ADAM28: variants seen among roughly 807,000 people sequenced by gnomAD.
ADAM28 encodes ADAM metallopeptidase domain 28, also known as disintegrin and metalloproteinase domain-containing protein 28.
In ADAM28, 105 loss-of-function variants were observed where a neutral mutation model predicts 101.2. That is an observed-to-expected ratio of 1.04 (90% confidence interval 0.89 to 1.22). ADAM28 has a LOEUF of 1.22. Among genes scored for constraint, ADAM28 ranks in the 50% most tolerant of loss-of-function variants. The pLI, the probability that ADAM28 is intolerant of heterozygous loss-of-function variation, is 0.00. For missense variants in ADAM28, 1,028 were observed against 945.4 expected, an observed-to-expected ratio of 1.09 and a Z score of -1.15; for synonymous variants, 322 against 310.6, an observed-to-expected ratio of 1.04 and a Z score of -0.39.
rs1813952065 is a variant in ADAM28 at position 24,335,747 on chromosome 8, G to A, written c.1567+106G>A. 5.4e-6 allele frequency: 7 copies of A among 1,291,462 alleles called. No individual in the cohort carries two copies. In the African/African-American group the frequency reaches 7.6e-5, roughly 14 times the overall value. The allele number at this position is 1,291,462 out of a possible 1,614,324, so 80.0% of individuals were successfully genotyped here. A position where few individuals can be genotyped will look rare whatever the true frequency, so the allele number is the denominator to read the frequency against. On this transcript the variant is annotated intron_variant, in intron 14 of 22. Coordinates refer to ENST00000265769, the MANE Select transcript of ADAM28 (RefSeq NM_014265.6). ...CCATTCTGTCCTATCCTTCTTAGAA[G>A]CTTTGAACTCAAAATCATGGAAAGG...
chr8:24,349,608 C>CTAAG (rs1452722413), intron 18 of ADAM28, among the ~76,000 whole-genome samples: 1 of 152,120 alleles, frequency 6.6e-6, no homozygotes, highest in East Asian at 1.9e-4. Flanking sequence ...CAAACATTAT[C>CTAAG]TAAGTATTCT....
At chr8:24,337,714 G>A (rs527274438) in intron 14 of ADAM28, among the ~76,000 whole-genome samples, 9 of 152,280 alleles carry the variant, frequency 5.9e-5, no homozygotes, top group African/African-American at 9.6e-5. Context: ...AGAGGATCAC[G>A]TATTTATTTT....
chr8:24,340,522 T>C (rs1814636892), intron 15 of ADAM28, among the ~76,000 whole-genome samples: 1 of 152,186 alleles, frequency 6.6e-6, no homozygotes. Context: ...CCATCTTTCC[T>C]TTGCAGTCTG....
intron 18 of ADAM28, among the ~76,000 whole-genome samples, chr8:24,346,269 T>C (rs953354486): frequency 2.0e-5 from 3 of 152,108 alleles, no homozygotes; most frequent in East Asian, 3.9e-4. Context: ...TTGTCACCAA[T>C]AGAAATTACA....
chr8:24,332,781 T>C, intron 13 of ADAM28, 32 bp downstream of exon 13: 1 of 1,220,784 alleles, frequency 8.2e-7, no homozygotes, highest in Non-Finnish European at 1.1e-6. Flanking sequence ...TTAATAATTA[T>C]GATTACATTT....
At chr8:24,326,502 A>C in intron 9 of ADAM28, 52 bp from the exon 10 acceptor site, 1 of 1,545,296 alleles carries the variant, frequency 6.5e-7, no homozygotes, top group Non-Finnish European at 8.9e-7. Context: ...TTGTCTATAA[A>C]AATAGAGCTT....
At chr8:24,302,914 C>T (rs1282388552) in intron 2 of ADAM28, among the ~76,000 whole-genome samples, 1 of 108,868 alleles carries the variant, frequency 9.2e-6, no homozygotes, top group Non-Finnish European at 1.8e-5. Context: ...TGCTATCCCT[C>T]CCCCCTCCCC....
Position 24,355,142 on chromosome 8 carries a change from G to A in ADAM28, c.*738G>A, listed in dbSNP as rs1446472536. ...TATTGGACACATAGTACTTTTACAT[G>A]TTTTGAATGTATTGCTAATATTTAA... On this transcript the variant is annotated 3_prime_UTR_variant, in exon 23 of 23. Coordinates refer to ENST00000265769, the MANE Select transcript of ADAM28 (RefSeq NM_014265.6). 6.6e-6 allele frequency: 1 copy of A among 152,538 alleles called. No homozygotes were observed. The highest frequency in any genetic ancestry group is 1.5e-5 in the Non-Finnish European group (1 of 67,988). 9.4% of individuals were successfully genotyped at this position (152,538 alleles called of 1,614,324 possible).
At chr8:24,303,693 T>A (rs1401641041) in intron 2 of ADAM28, among the ~76,000 whole-genome samples, 1 of 152,232 alleles carries the variant, frequency 6.6e-6, no homozygotes, top group Non-Finnish European at 1.5e-5. Context: ...TCAATGGTAG[T>A]TTAATGGGAA....
intron 18 of ADAM28, chr8:24,346,940 C>G (rs1438767022): frequency 6.6e-6 from 1 of 152,078 alleles, no homozygotes; most frequent in African/African-American, 2.4e-5. Flanking sequence ...AACACAGCTT[C>G]CCTCACTATC....
At chr8:24,302,945 G>T (rs975780348) in intron 2 of ADAM28, among the ~76,000 whole-genome samples, 1 of 120,758 alleles carries the variant, frequency 8.3e-6, no homozygotes, top group Admixed American at 1.2e-4. Flanking sequence ...ACAAGCCACA[G>T]TGTGTGATGT....
At chr8:24,354,045 CA>C (rs1816487850) in intron 22 of ADAM28, among the ~76,000 whole-genome samples, 1 of 151,976 alleles carries the variant, frequency 6.6e-6, no homozygotes, top group Non-Finnish European at 1.5e-5. Flanking sequence ...ATGTAGACAC[CA>C]ATATTATTTA....
chr8:24,330,027 C>T lies in ADAM28; in HGVS notation c.1015C>T (p.His339Tyr), dbSNP rs2129305410. 6.2e-7 allele frequency: 1 copy of T among 1,613,704 alleles called. No individual in the cohort carries two copies. The highest frequency in any genetic ancestry group is 8.5e-7 in the Non-Finnish European group (1 of 1,179,766). Residue 339 changes from histidine (H) to tyrosine (Y), a missense_variant, in exon 11 of 23, where the codon CAT becomes TAT. Transcript: ENST00000265769. Reference protein sequence around the residue: ...NLLRVAGTMAHEMGHNFGMFH... With the variant: ...NLLRVAGTMAYEMGHNFGMFH... The stretch of plus-strand genomic sequence containing the variant: ...TCTTAGAGTTGCAGGGACAATGGCA[C>T]ATGAAATGGGCCACAACTTTGGAAT...
chr8:24,342,553 C>T (rs1244583759), intron 16 of ADAM28, among the ~76,000 whole-genome samples: 2 of 152,146 alleles, frequency 1.3e-5, no homozygotes, highest in African/African-American at 4.8e-5. Context: ...AGTATTTAAA[C>T]TTATTCTTTT....
At position 24,349,903 on chromosome 8, in the gene ADAM28, T is replaced by C. The variant is rs1378289221; in HGVS notation, c.2030T>C (p.Val677Ala). Residue 677 changes from valine to alanine, a missense_variant, in exon 19 of 23, where the codon GTC (valine) becomes GCC (alanine). By Grantham distance (64) the Val-to-Ala change is moderately conservative (BLOSUM62 0). Transcript: ENST00000265769. ...IVVGVLFPMAVIFVVVAMVIR... is the reference protein window; with the variant it reads ...IVVGVLFPMAAIFVVVAMVIR... Reference sequence around the variant, plus strand: ...GTTGGGGTGCTGTTCCCAATGGCGGTCATTTTTGTGGTGGTTGCTATGGTA... The same window carrying C: ...GTTGGGGTGCTGTTCCCAATGGCGGCCATTTTTGTGGTGGTTGCTATGGTA... 26 of 1,613,670 alleles carry C rather than the reference T, an allele frequency of 1.6e-5. No homozygotes were observed. The highest frequency in any genetic ancestry group is 2.1e-5 in the Non-Finnish European group (25 of 1,179,762).
In ADAM28 at chr8:24,326,551, C is replaced by A; in HGVS notation, c.891-3C>A. On this transcript the variant is annotated splice_polypyrimidine_tract_variant and splice_region_variant and intron_variant, in intron 9 of 22. Coordinates refer to ENST00000265769, the MANE Select transcript of ADAM28 (RefSeq NM_014265.6). ...GTTACATCAATTTATTCCTTTCTTGCAGAGCAACAGAACTTGCTGGAACGA... is the reference window on the plus strand; with the variant it reads ...GTTACATCAATTTATTCCTTTCTTGAAGAGCAACAGAACTTGCTGGAACGA... The A allele has an allele frequency of 6.2e-7, 1 of 1,610,442 alleles. No individual in the cohort carries two copies. The highest frequency in any genetic ancestry group is 8.5e-7 in the Non-Finnish European group (1 of 1,177,688).
intron 14 of ADAM28, among the ~76,000 whole-genome samples, chr8:24,336,511 C>T (rs771439158): frequency 5.1e-5 from 7 of 137,298 alleles, no homozygotes; most frequent in East Asian, 2.3e-4. Context: ...ACCCAGGAGG[C>T]GGAGCTTGCC....
At chr8:24,315,493 A>G (rs1466354330) in intron 6 of ADAM28, among the ~76,000 whole-genome samples, 1 of 152,036 alleles carries the variant, frequency 6.6e-6, no homozygotes, top group African/African-American at 2.4e-5. Context: ...ACAGACCAAT[A>G]ACAAAGAGAT....
chr8:24,330,752 C>A (rs1358847562), intron 11 of ADAM28, among the ~76,000 whole-genome samples: 1 of 152,166 alleles, frequency 6.6e-6, no homozygotes, highest in African/African-American at 2.4e-5. Context: ...TCTATTACAG[C>A]AGTTTTAAAC....
Sources: gnomAD v4.1 joint callset for allele counts (sites outside exome capture counted in the v4.1 genomes callset) on GRCh38, gnomAD v4.1.1 for gene constraint, MANE v1.5 for transcripts, NCBI Gene and HGNC (gene_info 2026-07-23, HGNC 2026-07-21) for gene names.